Variants in CEP43 observed in about 807,000 individuals in gnomAD.
CEP43 encodes the protein FGFR1 oncogene partner.
CEP43 carries 36 observed loss-of-function variants against 52.6 expected under a neutral mutation model. The ratio of observed to expected loss-of-function variants is 0.68; its 90% CI spans 0.52 to 0.90. The LOEUF (loss-of-function observed/expected upper bound fraction) is 0.90, where lower values mean the gene tolerates loss of function less well. CEP43 is among the 40% of genes least tolerant of loss of function. The probability of loss-of-function intolerance (pLI) is 0.00; values close to 1 mark genes in which losing one functional copy is unlikely to be tolerated. For missense variants in CEP43, 506 were observed against 472.8 expected, an observed-to-expected ratio of 1.07 and a Z score of -0.65; for synonymous variants, 192 against 172.4, an observed-to-expected ratio of 1.11 and a Z score of -0.89.
At chr6:167,026,355 C>T (rs191548575) in intron 9 of CEP43, among the ~76,000 whole-genome samples, 192 bp from the exon 10 acceptor site, 29 of 152,212 alleles carry the variant, frequency 1.9e-4, no homozygotes, top group Admixed American at 1.6e-3. Flanking sequence ...AGTGATGAGA[C>T]TCCGTCTCAA....
At chr6:167,033,127 T>C (rs866944764) in intron 11 of CEP43, among the ~76,000 whole-genome samples, 8 of 101,314 alleles carry the variant, frequency 7.9e-5, no homozygotes, top group Admixed American at 1.1e-4. Flanking sequence ...TTTTTTTTTT[T>C]TGAGACAGAG....
intron 12 of CEP43, among the ~76,000 whole-genome samples, chr6:167,039,085 AT>A (rs1270018149): frequency 1.3e-5 from 2 of 152,056 alleles, no homozygotes; most frequent in African/African-American, 4.8e-5. Context: ...TTCACTTAGA[AT>A]AATGGTCTCC....
Position 167,043,526 on chromosome 6 carries a change from GC to G in CEP43, c.*3550del, listed in dbSNP as rs1780744764. 6.6e-6 allele frequency: 1 copy of G among 152,152 alleles called. No homozygotes were observed. Among genetic ancestry groups the G allele is most frequent in the African/African-American group, 2.4e-5 (1 of 41,352 alleles). 9.4% of individuals were successfully genotyped at this position (152,152 alleles called of 1,614,324 possible). On this transcript the variant is annotated 3_prime_UTR_variant, in exon 13 of 13. Transcript: ENST00000366847. ...CTCCCAAGTAGCTGAGATTACAGGT[GC>G]CTGCCACCATGCCCAGCTAATTTTT...
At chr6:167,012,852 G>A (rs1031956895) in intron 6 of CEP43, among the ~76,000 whole-genome samples, 4 of 152,164 alleles carry the variant, frequency 2.6e-5, no homozygotes, top group Non-Finnish European at 4.4e-5. Context: ...CCGTCATCCC[G>A]TTATTCTAGT....
At chr6:167,026,430 G>A in intron 9 of CEP43, 117 bp from the exon 10 acceptor site, 1 of 692,220 alleles carries the variant, frequency 1.4e-6, no homozygotes, top group Non-Finnish European at 2.6e-6. Context: ...CTTAGTTTTA[G>A]GTTATTATGC....
At chr6:167,036,802 G>A (rs1780594029) in intron 12 of CEP43, 1 of 964,892 alleles carries the variant, frequency 1.0e-6, no homozygotes, top group African/African-American at 1.8e-5. Context: ...TATTAGTTTT[G>A]TTTTTGTTTT....
intron 12 of CEP43, among the ~76,000 whole-genome samples, chr6:167,037,381 T>C (rs76681111): frequency 6.6e-6 from 1 of 152,316 alleles, no homozygotes; most frequent in East Asian, 1.9e-4. Context: ...GTAAACGAGA[T>C]GGAATACCTT....
At chr6:167,028,733 C>T (rs1284158218) in intron 10 of CEP43, among the ~76,000 whole-genome samples, 1 of 152,134 alleles carries the variant, frequency 6.6e-6, no homozygotes, top group East Asian at 1.9e-4. Context: ...GTAACTTGCC[C>T]AAGGTCATGC....
intron 2 of CEP43, among the ~76,000 whole-genome samples, chr6:167,001,640 C>A (rs1371396641): frequency 6.6e-6 from 1 of 152,192 alleles, no homozygotes; most frequent in Non-Finnish European, 1.5e-5. Context: ...CTTAATGGGA[C>A]CATCATTTAT....
At chr6:167,005,647 A>G (rs1000861726) in intron 5 of CEP43, among the ~76,000 whole-genome samples, 10 of 152,082 alleles carry the variant, frequency 6.6e-5, no homozygotes, top group Non-Finnish European at 1.5e-4. Context: ...TTGTGCATAT[A>G]ATTTCATTCC....
At chr6:167,033,743 A>T in intron 11 of CEP43, 132 bp from the exon 12 acceptor site, 1 of 453,820 alleles carries the variant, frequency 2.2e-6, no homozygotes, top group South Asian at 5.0e-5. Context: ...GACAATATGT[A>T]TGAAATTAAT....
intron 5 of CEP43, among the ~76,000 whole-genome samples, chr6:167,006,872 C>T (rs1436674131): frequency 1.3e-5 from 2 of 152,224 alleles, no homozygotes; most frequent in African/African-American, 4.8e-5. Flanking sequence ...AACATACCTC[C>T]CTGGATAACC....
At chr6:167,006,474 C>T (rs773506650) in intron 5 of CEP43, among the ~76,000 whole-genome samples, 17 of 151,640 alleles carry the variant, frequency 1.1e-4, no homozygotes, top group African/African-American at 2.7e-4. Flanking sequence ...GTCGTGCCAC[C>T]GCACTCCAGC....
chr6:167,015,196 G>T (rs1463073615), intron 7 of CEP43, among the ~76,000 whole-genome samples: 1 of 152,162 alleles, frequency 6.6e-6, no homozygotes, highest in Admixed American at 6.5e-5. Flanking sequence ...CATAATTTGG[G>T]TCTCTTCTAT....
In CEP43 at chr6:167,042,382, A is replaced by G. The variant is rs140085790; in HGVS notation, c.*2404A>G. 6 of 966,764 alleles carry G rather than the reference A, an allele frequency of 6.2e-6. No individual in the cohort carries two copies. Among genetic ancestry groups the G allele is most frequent in the Non-Finnish European group, 7.4e-6 (6 of 807,438 alleles). The allele number at this position is 966,764 out of a possible 1,614,324, so 59.9% of individuals were successfully genotyped here. On this transcript the variant is annotated 3_prime_UTR_variant, in exon 13 of 13. Coordinates refer to ENST00000366847, the MANE Select transcript of CEP43 (RefSeq NM_007045.4). ...TCTTTCTTTCATTTTATTGATAACT[A>G]CAAATGAATAAAAAGCATTTATTCT...
intron 8 of CEP43, among the ~76,000 whole-genome samples, chr6:167,023,611 G>GTC (rs1266100477): frequency 6.6e-6 from 1 of 152,172 alleles, no homozygotes; most frequent in Non-Finnish European, 1.5e-5. Context: ...TGTAAATTAG[G>GTC]AGTCATCAGT....
At chr6:167,012,380 T>G (rs2128660425) in intron 6 of CEP43, among the ~76,000 whole-genome samples, 1 of 152,166 alleles carries the variant, frequency 6.6e-6, no homozygotes, top group East Asian at 1.9e-4. Flanking sequence ...TTTTTTTTCC[T>G]AAATACTCAT....
At position 167,052,335 on chromosome 6, in the gene CEP43, T is replaced by G. The variant is rs1780879169; in HGVS notation, c.*12357T>G. ...TTTTTAAAGAACCTGAGACTGGAAG[T>G]GAGGGAAATAGGGCGTGCAGGAAGG... On this transcript the variant is annotated 3_prime_UTR_variant, in exon 13 of 13. Coordinates refer to ENST00000366847, the MANE Select transcript of CEP43 (RefSeq NM_007045.4). The G allele has an allele frequency of 6.6e-6, 1 of 152,016 alleles. No individual in the cohort carries two copies. Among genetic ancestry groups the G allele is most frequent in the South Asian group, 2.1e-4 (1 of 4,820 alleles). 9.4% of individuals were successfully genotyped at this position (152,016 alleles called of 1,614,324 possible).
rs1217709412 is a variant in CEP43 at position 167,042,084 on chromosome 6, CG to C, written c.*2109del. ...TTCCTGCCTTAGCCTCCTAAAGTGC[CG>C]GGATTACAGGCGTGAACCACCGCAC... On this transcript the variant is annotated 3_prime_UTR_variant, in exon 13 of 13. Coordinates refer to ENST00000366847, the MANE Select transcript of CEP43 (RefSeq NM_007045.4). The C allele has an allele frequency of 1.0e-6, 1 of 962,776 alleles. No homozygotes were observed. Among genetic ancestry groups the C allele is most frequent in the Non-Finnish European group, 1.2e-6 (1 of 802,720 alleles). 59.6% of individuals were successfully genotyped at this position (962,776 alleles called of 1,614,324 possible). A position where few individuals can be genotyped will look rare whatever the true frequency, so the allele number is the denominator to read the frequency against.
Sources: allele counts gnomAD v4.1 joint callset (sites outside exome capture counted in the v4.1 genomes callset), GRCh38; gene constraint gnomAD v4.1.1; transcripts MANE v1.5; gene names NCBI Gene and HGNC (gene_info 2026-07-23, HGNC 2026-07-21).